DOCK1: variants seen among roughly 807,000 people sequenced by gnomAD.
DOCK1 encodes the protein dedicator of cytokinesis 1.
A neutral mutation model predicts 262.7 loss-of-function variants in DOCK1; 138 were observed. The ratio of observed to expected loss-of-function variants is 0.53; its 90% CI spans 0.46 to 0.61. The LOEUF (loss-of-function observed/expected upper bound fraction) is 0.61. Among genes scored for constraint, DOCK1 ranks in the 20% least tolerant of loss-of-function variants. DOCK1 has a pLI of 0.00. For synonymous variants in DOCK1, 866 were observed against 867.4 expected (o/e 1.00, Z 0.03); for missense variants, 1,908 against 2,370.7 (o/e 0.80, Z 4.05).
intron 3 of DOCK1, among the ~76,000 whole-genome samples, chr10:126,981,070 C>T (rs550232794): frequency 2.6e-5 from 4 of 151,974 alleles, no homozygotes; most frequent in Admixed American, 1.3e-4. Context: ...GCCTCAGCCT[C>T]CTGAGTAGCT....
chr10:127,389,820 C>A (rs1227536739), intron 38 of DOCK1, among the ~76,000 whole-genome samples: 2 of 152,028 alleles, frequency 1.3e-5, no homozygotes, highest in Non-Finnish European at 2.9e-5. Context: ...TTGAGACCAG[C>A]CTGGCCAATA....
At chr10:127,089,373 C>T (rs1481379933) in intron 23 of DOCK1, among the ~76,000 whole-genome samples, 4 of 152,172 alleles carry the variant, frequency 2.6e-5, no homozygotes, top group Admixed American at 6.5e-5. Flanking sequence ...CCCTACCCCT[C>T]GGGCCTCTTG....
rs2067580708 is a variant in DOCK1 at position 127,407,431 on chromosome 10, C to G, written c.4123-1606C>G. Among the ~76,000 whole-genome samples, 3 of 152,032 alleles carry G rather than the reference C, an allele frequency of 2.0e-5. No homozygotes were observed. In the South Asian group the frequency reaches 6.2e-4, roughly 32 times the overall value. On this transcript the variant is annotated intron_variant, in intron 40 of 51. Transcript: ENST00000623213. Reference sequence around the variant, plus strand: ...ACTGATGACTTTCCTAAGGGTGGAGCCTTTCCAGAGGCCCCACCTTCTAAT... The same window carrying G: ...ACTGATGACTTTCCTAAGGGTGGAGGCTTTCCAGAGGCCCCACCTTCTAAT...
At chr10:127,448,627 A>G (rs2070749508) in intron 51 of DOCK1, among the ~76,000 whole-genome samples, 1 of 152,164 alleles carries the variant, frequency 6.6e-6, no homozygotes, top group Non-Finnish European at 1.5e-5. Flanking sequence ...GCCTTTGACA[A>G]TTAAATCAGT....
chr10:127,038,786 AT>A (rs2043827317), intron 19 of DOCK1, among the ~76,000 whole-genome samples: 1 of 152,158 alleles, frequency 6.6e-6, no homozygotes, highest in Non-Finnish European at 1.5e-5. Context: ...TTACTCTGTA[AT>A]TGTTTGTGGT....
At chr10:126,915,062 G>C (rs2032300260) in intron 1 of DOCK1, among the ~76,000 whole-genome samples, 1 of 152,302 alleles carries the variant, frequency 6.6e-6, no homozygotes, top group Admixed American at 6.5e-5. Context: ...TGCAGCAAGT[G>C]GGGTGGGAAA....
At position 127,409,003 on chromosome 10, in the gene DOCK1, T is replaced by C. The variant is rs113446287; in HGVS notation, c.4123-34T>C. On this transcript the variant is annotated intron_variant, in intron 40 of 51. Coordinates refer to ENST00000623213, the MANE Select transcript of DOCK1 (RefSeq NM_001290223.2). ...TGTGAACTCTTCCTGGCCCTTTCTC[T>C]GTGGTGTTATGAAATGAATGTCACC... 30 of 1,557,460 alleles carry C rather than the reference T, an allele frequency of 1.9e-5. 1 individual carries two copies. Among genetic ancestry groups the C allele is most frequent in the African/African-American group, 1.6e-4 (12 of 73,192 alleles).
At chr10:127,382,586 T>G (rs1328314235) in intron 37 of DOCK1, among the ~76,000 whole-genome samples, 1 of 152,196 alleles carries the variant, frequency 6.6e-6, no homozygotes, top group Non-Finnish European at 1.5e-5. Flanking sequence ...AGGATGGAAA[T>G]TTCAGTTGGT....
chr10:127,050,279 AATAG>A (rs1014530841), intron 21 of DOCK1, among the ~76,000 whole-genome samples: 1 of 151,324 alleles, frequency 6.6e-6, no homozygotes, highest in Non-Finnish European at 1.5e-5. Flanking sequence ...CCTTAATTAT[AATAG>A]ATATTTCCAA....
chr10:127,162,660 TA>T (rs1236611289), intron 27 of DOCK1, among the ~76,000 whole-genome samples: 1 of 152,190 alleles, frequency 6.6e-6, no homozygotes, highest in African/African-American at 2.4e-5. Flanking sequence ...TGGTCTCATT[TA>T]ACATGTCAGG....
intron 29 of DOCK1, chr10:127,272,148 A>G (rs552949630): frequency 6.6e-6 from 1 of 152,360 alleles, no homozygotes; most frequent in East Asian, 1.9e-4. Context: ...TACCTGTCAA[A>G]TTCCCAGAGC....
At chr10:127,411,817 G>C (rs116745322) in intron 43 of DOCK1, among the ~76,000 whole-genome samples, 5,894 of 152,098 alleles carry the variant, frequency 0.039, 363 homozygotes, top group African/African-American at 0.13. Context: ...TCCAGCCTGG[G>C]GAACGAGAGT....
intron 33 of DOCK1, among the ~76,000 whole-genome samples, chr10:127,362,986 TCCCCCC>T (rs150863826): frequency 1.9e-4 from 1 of 5,208 alleles, no homozygotes; most frequent in African/African-American, 1.0e-3. Flanking sequence ...CACATACACA[TCCCCCC>T]CCACACACAC....
intron 31 of DOCK1, 119 bp from the exon 32 acceptor site, chr10:127,354,550 G>T (rs2064043152): frequency 8.8e-7 from 1 of 1,130,104 alleles, no homozygotes; most frequent in African/African-American, 1.6e-5. Flanking sequence ...TTGAAGCTTT[G>T]ACACTCTCTT....
At chr10:127,145,627 T>A (rs867694008) in intron 27 of DOCK1, among the ~76,000 whole-genome samples, 8 of 152,172 alleles carry the variant, frequency 5.3e-5, no homozygotes, top group Admixed American at 1.3e-4. Context: ...CTTGCCTGCC[T>A]GTCTCCTTTT....
chr10:127,013,021 C>A (rs553421367), intron 12 of DOCK1, among the ~76,000 whole-genome samples: 2 of 152,206 alleles, frequency 1.3e-5, no homozygotes, highest in African/African-American at 2.4e-5. Context: ...CCCGTAAACG[C>A]GGTAGAGCTT....
chr10:126,922,856 A>T (rs2033339480), intron 1 of DOCK1, among the ~76,000 whole-genome samples: 1 of 152,218 alleles, frequency 6.6e-6, no homozygotes. Context: ...CACGCCTATA[A>T]TTCCAGCACT....
intron 31 of DOCK1, among the ~76,000 whole-genome samples, chr10:127,347,653 C>G (rs1217811867): frequency 1.3e-5 from 2 of 149,274 alleles, no homozygotes; most frequent in East Asian, 4.0e-4. Context: ...GACTTGGAGC[C>G]CCGTGGAGCT....
chr10:127,288,399 A>G (rs2061234668), intron 29 of DOCK1, among the ~76,000 whole-genome samples: 1 of 152,198 alleles, frequency 6.6e-6, no homozygotes, highest in East Asian at 1.9e-4. Context: ...TAATCTGGAC[A>G]ACGAGGGTGC....
Sources: allele counts gnomAD v4.1 joint callset (sites outside exome capture counted in the v4.1 genomes callset), GRCh38; gene constraint gnomAD v4.1.1; transcripts MANE v1.5; gene names NCBI Gene and HGNC (gene_info 2026-07-23, HGNC 2026-07-21).